The following BICD2 variants were observed in gnomAD, a reference collection of about 807,000 sequenced individuals.
BICD2 encodes protein bicaudal D homolog 2.
BICD2 carries 25 observed loss-of-function variants against 72.9 expected under a neutral mutation model. The observed-to-expected ratio is 0.34, with a 90% CI of 0.25 to 0.48. The LOEUF (loss-of-function observed/expected upper bound fraction) is 0.48. BICD2 is among the 20% of genes least tolerant of loss of function. The pLI is 0.99. For missense variants in BICD2, 894 were observed against 1,175.2 expected, an observed-to-expected ratio of 0.76 and a Z score of 3.50; for synonymous variants, 501 against 516.1, an observed-to-expected ratio of 0.97 and a Z score of 0.40.
At position 92,764,617 on chromosome 9, in the gene BICD2, G is replaced by A; in HGVS notation, c.128C>T (p.Ala43Val). ...GAGCACCGCCAGCCCGTACTCGGCC[G>A]CCTGGATCTTCTCACGCGTGGTCTC... ...LAETTREKIQAAEYGLAVLEE... is the reference protein window; with the variant it reads ...LAETTREKIQVAEYGLAVLEE... The change falls in exon 1 of 7, where the codon GCG (alanine) becomes GTG (valine). Residue 43 changes from alanine (A) to valine (V), a missense_variant. Transcript: ENST00000356884. This position sits in a 1 kb window ranked among gnomAD's most constrained non-coding sequence, Gnocchi z 5.5. 1.3e-6 allele frequency: 2 copies of A among 1,592,710 alleles called. No individual in the cohort carries two copies. The highest frequency in any genetic ancestry group is 1.8e-5 in the Admixed American group (1 of 57,032).
chr9:92,712,152 TTGCTCAGCTTGTCCC>T lies in BICD2; in HGVS notation c.*2987_*3001del, dbSNP rs1853206996. On this transcript the variant is annotated 3_prime_UTR_variant, in exon 7 of 7. Coordinates refer to ENST00000356884, the MANE Select transcript of BICD2 (RefSeq NM_001003800.2). Reference sequence around the variant, plus strand: ...TTCACAAACGTGGCGTTCATACAGCTTGCTCAGCTTGTCCCAGAAGGTCCATTTGGTTCCCAAAGC... The same window carrying T: ...TTCACAAACGTGGCGTTCATACAGCTAGAAGGTCCATTTGGTTCCCAAAGC... 6.6e-6 allele frequency: 1 copy of T among 152,670 alleles called. No homozygotes were observed. Among genetic ancestry groups the T allele is most frequent in the East Asian group, 1.9e-4 (1 of 5,202 alleles). 9.5% of individuals were successfully genotyped at this position (152,670 alleles called of 1,614,324 possible).
chr9:92,762,157 T>C (rs954553981), intron 1 of BICD2, among the ~76,000 whole-genome samples: 7 of 152,222 alleles, frequency 4.6e-5, no homozygotes, highest in African/African-American at 1.7e-4. Flanking sequence ...AAATAAAGTT[T>C]TCTAAAGAAT....
chr9:92,742,802 A>G (rs1477793566), intron 1 of BICD2, among the ~76,000 whole-genome samples: 1 of 152,056 alleles, frequency 6.6e-6, no homozygotes, highest in Admixed American at 6.5e-5. Context: ...GAATGTGTCT[A>G]TTCTGGACAT....
intron 3 of BICD2, among the ~76,000 whole-genome samples, chr9:92,721,695 A>G (rs1441807864): frequency 6.6e-6 from 1 of 152,190 alleles, no homozygotes; most frequent in Non-Finnish European, 1.5e-5. Context: ...GGAATCCCAG[A>G]GAGGGAGAGA....
intron 1 of BICD2, among the ~76,000 whole-genome samples, chr9:92,744,090 C>G (rs906349874): frequency 6.6e-6 from 1 of 152,214 alleles, no homozygotes; most frequent in African/African-American, 2.4e-5. Context: ...CCAACAGACA[C>G]AGGCAACAGC....
Position 92,720,842 on chromosome 9 carries a change from C to A in BICD2, c.607-87G>T. The A allele has an allele frequency of 2.2e-6, 3 of 1,348,364 alleles. No individual in the cohort carries two copies. Among genetic ancestry groups the A allele is most frequent in the Non-Finnish European group, 3.0e-6 (3 of 996,160 alleles). 83.5% of individuals were successfully genotyped at this position (1,348,364 alleles called of 1,614,324 possible). A position where few individuals can be genotyped will look rare whatever the true frequency, so the allele number is the denominator to read the frequency against. ...AAATGAAGAAAACACACCAGCACAC[C>A]AACTCCGGCCACTATGAAGCAAAAG... On this transcript the variant is annotated intron_variant, in intron 3 of 6. Transcript: ENST00000356884. This position sits in a 1 kb window ranked among gnomAD's most constrained non-coding sequence, Gnocchi z 5.4.
At chr9:92,755,335 G>T (rs1253369757) in intron 1 of BICD2, among the ~76,000 whole-genome samples, 4 of 152,082 alleles carry the variant, frequency 2.6e-5, no homozygotes, top group African/African-American at 9.7e-5. Context: ...TTTTAATTTC[G>T]CCTCGGTCCT....
chr9:92,760,944 A>T (rs1158958141), intron 1 of BICD2, among the ~76,000 whole-genome samples: 3 of 152,198 alleles, frequency 2.0e-5, no homozygotes, highest in Non-Finnish European at 4.4e-5. Context: ...GCAAACAATC[A>T]AAGAGGCTGG....
At chr9:92,755,805 C>T (rs1479625144) in intron 1 of BICD2, among the ~76,000 whole-genome samples, 1 of 152,148 alleles carries the variant, frequency 6.6e-6, no homozygotes, top group Non-Finnish European at 1.5e-5. Context: ...GATGGGGAGC[C>T]CAGGCAGCAG....
Position 92,718,692 on chromosome 9 carries a change from C to G in BICD2, c.1953G>C (p.Leu651=), listed in dbSNP as rs546821343. The G allele has an allele frequency of 6.2e-7, 1 of 1,614,152 alleles. No homozygotes were observed. The highest frequency in any genetic ancestry group is 1.7e-5 in the Admixed American group (1 of 60,030). The change falls in exon 5 of 7, where the codon CTG becomes CTC. Residue 651 remains leucine, a synonymous_variant. Transcript: ENST00000356884. The part of the protein sequence containing the change: ...LQAAVDRTTE[L]SRQRIASQEL... The stretch of plus-strand genomic sequence containing the variant: ...CCTGAGAGGCAATGCGCTGGCGTGA[C>G]AGCTCCGTGGTGCGGTCCACGGCTG...
chr9:92,743,403 C>T (rs1195526944), intron 1 of BICD2, among the ~76,000 whole-genome samples: 2 of 148,996 alleles, frequency 1.3e-5, no homozygotes, highest in Admixed American at 1.3e-4. Context: ...ACTATGTTGC[C>T]CATGCTAGTC....
At chr9:92,726,399 A>G (rs998667358) in intron 2 of BICD2, among the ~76,000 whole-genome samples, 1 of 152,196 alleles carries the variant, frequency 6.6e-6, no homozygotes, top group Non-Finnish European at 1.5e-5. Context: ...GTCAAAGGAT[A>G]CAATGAAGGC....
Position 92,714,374 on chromosome 9 carries a change from C to G in BICD2, c.*780G>C. On this transcript the variant is annotated 3_prime_UTR_variant, in exon 7 of 7. Coordinates refer to ENST00000356884, the MANE Select transcript of BICD2 (RefSeq NM_001003800.2). ...CACTAAGGACCAAGGTCTGGCCAGG[C>G]ACTTGGAAAGCTTTTCTCATGAAAA... 1 of 985,502 alleles carries G rather than the reference C, an allele frequency of 1.0e-6. No homozygotes were observed. The highest frequency in any genetic ancestry group is 1.2e-6 in the Non-Finnish European group (1 of 829,960). The allele number at this position is 985,502 out of a possible 1,614,324, so 61.0% of individuals were successfully genotyped here.
At chr9:92,726,411 G>C (rs745521419) in intron 2 of BICD2, among the ~76,000 whole-genome samples, 6 of 152,194 alleles carry the variant, frequency 3.9e-5, no homozygotes, top group Non-Finnish European at 8.8e-5. Flanking sequence ...AATGAAGGCT[G>C]TTTTATCGTC....
chr9:92,746,037 C>T (rs1432371021), intron 1 of BICD2, among the ~76,000 whole-genome samples: 1 of 152,244 alleles, frequency 6.6e-6, no homozygotes, highest in Non-Finnish European at 1.5e-5. Context: ...TGAGATCTGG[C>T]TAAAGCCAGT....
chr9:92,718,177 G>A (rs1213378298), intron 5 of BICD2, among the ~76,000 whole-genome samples: 1 of 152,192 alleles, frequency 6.6e-6, no homozygotes, highest in African/African-American at 2.4e-5. Flanking sequence ...CCCTAAACCT[G>A]CCAACAGGAC....
chr9:92,763,787 G>A (rs1214358280), intron 1 of BICD2, among the ~76,000 whole-genome samples: 1 of 152,168 alleles, frequency 6.6e-6, no homozygotes, highest in Non-Finnish European at 1.5e-5. Context: ...GGAAGGGCCC[G>A]AGAAGCGGGG....
chr9:92,764,709 C>T lies in BICD2; in HGVS notation c.36G>A (p.Arg12=). The T allele has an allele frequency of 6.3e-7, 1 of 1,587,050 alleles. No individual in the cohort carries two copies. The highest frequency in any genetic ancestry group is 8.5e-7 in the Non-Finnish European group (1 of 1,173,216). The change falls in exon 1 of 7, where the codon CGG becomes CGA. Residue 12 remains arginine (R), a synonymous_variant. Coordinates refer to ENST00000356884, the MANE Select transcript of BICD2 (RefSeq NM_001003800.2). The surrounding 1 kb of genome is among the most constrained non-coding windows in gnomAD (Gnocchi z 5.5). ...SAPSEEEEYA[R]LVMEAQPEWL... ...ACTCCGGCTGCGCCTCCATCACCAG[C>T]CGCGCGTACTCCTCCTCCTCCGACG...
At chr9:92,724,381 C>T (rs944734955) in intron 2 of BICD2, among the ~76,000 whole-genome samples, 1 of 152,178 alleles carries the variant, frequency 6.6e-6, no homozygotes, top group Non-Finnish European at 1.5e-5. Context: ...AAAAGGAATG[C>T]AACAGAGAGG....
Sources: allele counts gnomAD v4.1 joint callset (sites outside exome capture counted in the v4.1 genomes callset), GRCh38; gene constraint gnomAD v4.1.1; non-coding constraint Gnocchi (gnomAD v3.1); transcripts MANE v1.5; gene names NCBI Gene and HGNC (gene_info 2026-07-23, HGNC 2026-07-21).